AGBL1: variants seen among roughly 807,000 people sequenced by gnomAD.
AGBL1 encodes the protein AGBL carboxypeptidase 1, also known as cytosolic carboxypeptidase 4.
Under a neutral mutation model 118.9 loss-of-function variants are expected in AGBL1, and 130 were observed. The ratio of observed to expected loss-of-function variants is 1.09; its 90% CI spans 0.95 to 1.26. AGBL1 has a LOEUF of 1.26. Among genes scored for constraint, AGBL1 ranks in the 50% most tolerant of loss-of-function variants. The pLI is 0.00. For missense variants in AGBL1, 1,584 were observed against 1,298.1 expected (o/e 1.22, Z -3.38); for synonymous variants, 555 against 478.9 (o/e 1.16, Z -2.08).
At chr15:86,219,791 C>A (rs1391773359) in intron 5 of AGBL1, among the ~76,000 whole-genome samples, 1 of 151,998 alleles carries the variant, frequency 6.6e-6, no homozygotes, top group Non-Finnish European at 1.5e-5. Context: ...AGTCATCTAA[C>A]CTTTTGATCT....
chr15:86,111,004 TC>T (rs940588593), intron 1 of AGBL1, among the ~76,000 whole-genome samples: 2 of 152,242 alleles, frequency 1.3e-5, no homozygotes, highest in African/African-American at 4.8e-5. Flanking sequence ...TCTTTTATTC[TC>T]CCAGAAGCAA....
At chr15:86,522,726 T>C in intron 18 of AGBL1, 84 bp from the exon 19 acceptor site, 4 of 1,486,524 alleles carry the variant, frequency 2.7e-6, no homozygotes, top group Non-Finnish European at 3.6e-6. Flanking sequence ...GTCATTAGTT[T>C]AATTGTTTAT....
rs756052402 is a variant in AGBL1 at position 86,390,660 on chromosome 15, A to ATTTTTTTTTTTTTTTTTTTTTT, written c.2375-6701_2375-6680dup. Among the ~76,000 whole-genome samples, 10 of 75,472 alleles carry ATTTTTTTTTTTTTTTTTTTTTT rather than the reference A, an allele frequency of 1.3e-4. 1 individual carries two copies. The highest frequency in any genetic ancestry group is 1.2e-3 in the East Asian group (2 of 1,634). 49.5% of individuals were successfully genotyped at this position (75,472 alleles called of 152,430 possible). ...AGGCAGAAAAGTTATATACTGTATGATTTTTTTTTTTTTTTTTTTTTTTTT... is the reference window on the plus strand; with the variant it reads ...AGGCAGAAAAGTTATATACTGTATGATTTTTTTTTTTTTTTTTTTTTTTTTTTTTTTTTTTTTTTTTTTTTTT... On this transcript the variant is annotated intron_variant, in intron 17 of 22. Coordinates refer to ENST00000614907, the MANE Select transcript of AGBL1 (RefSeq NM_001386094.1).
intron 1 of AGBL1, among the ~76,000 whole-genome samples, chr15:86,132,104 G>A (rs1274231804): frequency 1.3e-5 from 2 of 152,092 alleles, no homozygotes; most frequent in African/African-American, 2.4e-5. Context: ...AAGAGTACCC[G>A]AGTAGCGGAG....
chr15:86,801,824 C>G (rs1455912053), intron 22 of AGBL1, among the ~76,000 whole-genome samples: 1 of 152,024 alleles, frequency 6.6e-6, no homozygotes, highest in Non-Finnish European at 1.5e-5. Context: ...TAGAAAAGAT[C>G]ATTGCTGTGG....
chr15:86,475,133 G>A (rs1418093625), intron 18 of AGBL1, among the ~76,000 whole-genome samples: 4 of 152,162 alleles, frequency 2.6e-5, no homozygotes, highest in Non-Finnish European at 4.4e-5. Flanking sequence ...AAAAAACAGA[G>A]CAGAAAAGCT....
chr15:86,483,377 T>C (rs1478023181), intron 18 of AGBL1, among the ~76,000 whole-genome samples: 1 of 152,034 alleles, frequency 6.6e-6, no homozygotes, highest in Admixed American at 6.6e-5. Context: ...GTTTGGTTGA[T>C]ATCGATGGTG....
intron 1 of AGBL1, among the ~76,000 whole-genome samples, chr15:86,127,604 A>G (rs751855850): frequency 1.4e-4 from 22 of 152,208 alleles, no homozygotes; most frequent in Non-Finnish European, 2.6e-4. Context: ...GGAAAAGGAG[A>G]AAATTCTATT....
At chr15:86,896,582 T>G (rs557093848) in intron 22 of AGBL1, among the ~76,000 whole-genome samples, 2 of 152,212 alleles carry the variant, frequency 1.3e-5, no homozygotes, top group Non-Finnish European at 2.9e-5. Context: ...TTTCTAACTT[T>G]GTTGCGTTGC....
At chr15:86,297,034 T>C (rs1400836037) in intron 17 of AGBL1, 2 of 152,098 alleles carry the variant, frequency 1.3e-5, no homozygotes, top group African/African-American at 2.4e-5. Context: ...ACTTGAAACA[T>C]GCAAAGGCCC....
chr15:86,462,131 T>C (rs1880576879), intron 18 of AGBL1, among the ~76,000 whole-genome samples: 1 of 152,234 alleles, frequency 6.6e-6, no homozygotes, highest in Non-Finnish European at 1.5e-5. Context: ...GTTGAAAATA[T>C]ACACTTAGGA....
chr15:86,243,450 T>C (rs772527328), intron 6 of AGBL1, among the ~76,000 whole-genome samples: 1 of 152,124 alleles, frequency 6.6e-6, no homozygotes. Context: ...CCTGGAGAGA[T>C]AAGCAGAAAT....
At chr15:86,234,495 G>A (rs1189300141) in intron 6 of AGBL1, among the ~76,000 whole-genome samples, 1 of 147,362 alleles carries the variant, frequency 6.8e-6, no homozygotes, top group East Asian at 2.0e-4. Flanking sequence ...AGGTTGCAGT[G>A]AGCGAAGATC....
chr15:86,470,624 G>A lies in AGBL1; in HGVS notation c.2556-52186G>A, dbSNP rs191980963. Among the ~76,000 whole-genome samples, 363 of 152,214 alleles carry A rather than the reference G, an allele frequency of 2.4e-3. 1 individual carries two copies. The highest frequency in any genetic ancestry group is 8.3e-3 in the African/African-American group (344 of 41,554). On this transcript the variant is annotated intron_variant, in intron 18 of 22. Coordinates refer to ENST00000614907, the MANE Select transcript of AGBL1 (RefSeq NM_001386094.1). ...ATGGCATTGAAGTTGTAGATCACTTGTAGCATGGACATTTTAGCAATATTA... is the reference window on the plus strand; with the variant it reads ...ATGGCATTGAAGTTGTAGATCACTTATAGCATGGACATTTTAGCAATATTA...
intron 18 of AGBL1, among the ~76,000 whole-genome samples, chr15:86,509,512 T>C (rs1385671948): frequency 2.0e-5 from 3 of 152,092 alleles, no homozygotes; most frequent in South Asian, 2.1e-4. Context: ...CTTTTTTAGG[T>C]AACAGGAGTC....
chr15:86,830,364 T>C (rs1389404612), intron 22 of AGBL1, among the ~76,000 whole-genome samples: 3 of 151,942 alleles, frequency 2.0e-5, no homozygotes, highest in Non-Finnish European at 4.4e-5. Flanking sequence ...TTGAACCTTA[T>C]TTTTTTTAAA....
At chr15:86,136,571 G>A (rs1258998993) in intron 1 of AGBL1, among the ~76,000 whole-genome samples, 2 of 152,194 alleles carry the variant, frequency 1.3e-5, no homozygotes, top group Admixed American at 6.5e-5. Flanking sequence ...ATTAACATAT[G>A]CTACAAAGAG....
chr15:86,647,225 A>G (rs1382389453), intron 21 of AGBL1, among the ~76,000 whole-genome samples: 1 of 152,194 alleles, frequency 6.6e-6, no homozygotes, highest in Non-Finnish European at 1.5e-5. Context: ...TAATGCATCC[A>G]AGATAATTTG....
At chr15:86,273,709 A>G (rs2141698436) in intron 15 of AGBL1, among the ~76,000 whole-genome samples, 1 of 152,242 alleles carries the variant, frequency 6.6e-6, no homozygotes, top group Admixed American at 6.5e-5. Context: ...TGTCTCCAAT[A>G]TATCTTTAGA....
Sources: gnomAD v4.1 joint callset for allele counts (sites outside exome capture counted in the v4.1 genomes callset) on GRCh38, gnomAD v4.1.1 for gene constraint, MANE v1.5 for transcripts, NCBI Gene and HGNC (gene_info 2026-07-23, HGNC 2026-07-21) for gene names.